KCNQ1: variants seen among roughly 807,000 people sequenced by gnomAD.
The protein encoded by KCNQ1 is potassium voltage-gated channel subfamily KQT member 1.
In KCNQ1, 49 loss-of-function variants were observed where a neutral mutation model predicts 72.4. The ratio of observed to expected loss-of-function variants is 0.68; its 90% confidence interval spans 0.54 to 0.86. The LOEUF is 0.86. Ranked by LOEUF, KCNQ1 falls within the 40% of genes least tolerant of loss-of-function variation. The probability of loss-of-function intolerance (pLI) is 0.00; values close to 1 mark genes in which losing one functional copy is unlikely to be tolerated. For missense variants in KCNQ1, 790 were observed against 945.1 expected, an observed-to-expected ratio of 0.84 and a Z score of 2.15; for synonymous variants, 450 against 412.6, an observed-to-expected ratio of 1.09 and a Z score of -1.10.
chr11:2,766,885 A>G lies in KCNQ1; in HGVS notation c.1515-1959A>G, dbSNP rs775574222. ...CTAGACCTAAATTTAGTGGCTTCAAATATTTTCTTTGGGCCGGGCATGGTG... is the reference window on the plus strand; with the variant it reads ...CTAGACCTAAATTTAGTGGCTTCAAGTATTTTCTTTGGGCCGGGCATGGTG... On this transcript the variant is annotated intron_variant, in intron 11 of 15. Transcript: ENST00000155840. The surrounding 1 kb of genome is among the most constrained non-coding windows in gnomAD (Gnocchi z 4.4). Among the ~76,000 whole-genome samples the G allele has an allele frequency of 6.6e-6, 1 of 152,198 alleles. No homozygotes were observed. The highest frequency in any genetic ancestry group is 1.5e-5 in the Non-Finnish European group (1 of 68,044).
rs1364335501 is a variant in KCNQ1, at chr11:2,509,078, C to T, written c.387-18850C>T. 6.6e-6 allele frequency among the ~76,000 whole-genome samples: 1 copy of T among 152,186 alleles called. No homozygotes were observed. The highest frequency in any genetic ancestry group is 1.5e-5 in the Non-Finnish European group (1 of 68,036). On this transcript the variant is annotated intron_variant, in intron 1 of 15. Transcript: ENST00000155840. The surrounding 1 kb of genome is among the most constrained non-coding windows in gnomAD (Gnocchi z 6.3). ...CTATTGCTCAGGGTGAAATAGAGGT[C>T]TTGAAATTAGTACAACACATGCCCC...
chr11:2,560,444 TGTCCATCCTGGGGGGACGGGGGGTGAC>T, intron 2 of KCNQ1, among the ~76,000 whole-genome samples: 1 of 58,610 alleles, frequency 1.7e-5, no homozygotes, highest in Admixed American at 2.7e-4. Flanking sequence ...CGGTGGGGGA[TGTCCATCCTGGGGGGACGGGGGGTGAC>T]GTCCATCCTG....
intron 11 of KCNQ1, chr11:2,666,368 C>T (rs1472996854): frequency 5.0e-6 from 2 of 398,558 alleles, no homozygotes; most frequent in Non-Finnish European, 8.8e-6. Flanking sequence ...TGCCTGGCCT[C>T]TTGTGACATG....
At position 2,830,757 on chromosome 11, in the gene KCNQ1, C is replaced by T. The variant is rs1197686555; in HGVS notation, c.1795-17010C>T. On this transcript the variant is annotated intron_variant, in intron 15 of 15. Transcript: ENST00000155840. This position sits in a 1 kb window ranked among gnomAD's most constrained non-coding sequence, Gnocchi z 7.7. ...CCTCTGACCTCCCAAGGGCACCCCA[C>T]GTGTGTGCCCTCCAGCACCCTGGCC... is the stretch of plus-strand genomic sequence containing the variant. Among the ~76,000 whole-genome samples, 5 of 152,184 alleles carry T rather than the reference C, an allele frequency of 3.3e-5. 1 individual carries two copies. Among genetic ancestry groups the T allele is most frequent in the Admixed American group, 1.3e-4 (2 of 15,292 alleles).
chr11:2,701,835 T>C (rs1356460124), intron 11 of KCNQ1, among the ~76,000 whole-genome samples: 1 of 152,206 alleles, frequency 6.6e-6, no homozygotes, highest in Non-Finnish European at 1.5e-5. Flanking sequence ...GTCCTGACCC[T>C]GGCCTGGACT....
chr11:2,792,919 G>A (rs1487548678), intron 15 of KCNQ1, among the ~76,000 whole-genome samples: 3 of 149,120 alleles, frequency 2.0e-5, no homozygotes, highest in Admixed American at 6.7e-5. Flanking sequence ...CCCCACATAG[G>A]TGTCAAAGTG....
intron 8 of KCNQ1, among the ~76,000 whole-genome samples, chr11:2,586,810 C>T (rs910231949): frequency 6.6e-6 from 1 of 152,132 alleles, no homozygotes; most frequent in African/African-American, 2.4e-5. Context: ...ACATTCTCCA[C>T]TCGGCCCTCT....
chr11:2,709,441 T>C (rs926765075), intron 11 of KCNQ1, among the ~76,000 whole-genome samples: 21 of 152,170 alleles, frequency 1.4e-4, no homozygotes, highest in African/African-American at 5.1e-4. Context: ...TATTTTGTAT[T>C]TTTTGGTGTT....
rs191995501 is a variant in KCNQ1, at chr11:2,593,313, T to C, written c.1393+4459T>C. ...CCTGGAGGCCGCCTCAGAGGCCTTT[T>C]GCTGCTCAGAGAACACTGGGCTGGA... is the stretch of plus-strand genomic sequence containing the variant. On this transcript the variant is annotated intron_variant, in intron 10 of 15. Transcript: ENST00000155840. The surrounding 1 kb of genome is among the most constrained non-coding windows in gnomAD (Gnocchi z 6.9). Among the ~76,000 whole-genome samples, 22 of 152,210 alleles carry C rather than the reference T, an allele frequency of 1.4e-4. No individual in the cohort carries two copies. In the East Asian group the frequency reaches 3.7e-3, roughly 26 times the overall value.
chr11:2,641,687 C>G (rs185786276), intron 10 of KCNQ1: 136 of 398,282 alleles, frequency 3.4e-4, no homozygotes, highest in Non-Finnish European at 5.5e-4. Flanking sequence ...TTTTTGAGGT[C>G]TTATCCATAA....
rs146324627 is a variant in KCNQ1, at chr11:2,848,734, G to T, written c.*731G>T. On this transcript the variant is annotated 3_prime_UTR_variant, in exon 16 of 16. Coordinates refer to ENST00000155840, the MANE Select transcript of KCNQ1 (RefSeq NM_000218.3). The stretch of plus-strand genomic sequence containing the variant: ...CTCTCCGCCCCTGAGCCCACTGTGC[G>T]TGGGGCTCCCGCCTCCAACCCCTCG... The T allele has an allele frequency of 8.8e-6, 4 of 453,806 alleles. No homozygotes were observed. Among genetic ancestry groups the T allele is most frequent in the African/African-American group, 6.0e-5 (3 of 50,004 alleles). 28.1% of individuals were successfully genotyped at this position (453,806 alleles called of 1,614,324 possible).
chr11:2,622,295 G>A (rs1715288517), intron 10 of KCNQ1: 1 of 398,146 alleles, frequency 2.5e-6, no homozygotes, highest in Non-Finnish European at 4.4e-6. Context: ...TTCTCAGTAT[G>A]TAATGTCCTC....
In KCNQ1 at chr11:2,809,727, C is replaced by T. The variant is rs1487112664; in HGVS notation, c.1794+31690C>T. On this transcript the variant is annotated intron_variant, in intron 15 of 15. Transcript: ENST00000155840. This position sits in a 1 kb window ranked among gnomAD's most constrained non-coding sequence, Gnocchi z 7.1. ...TATCATCTCCACCACGTGCTCAACA[C>T]TCCAGGCCAGAGCCCTTCTCTCAAA... 6.6e-6 allele frequency among the ~76,000 whole-genome samples: 1 copy of T among 152,182 alleles called. No homozygotes were observed. Among genetic ancestry groups the T allele is most frequent in the Non-Finnish European group, 1.5e-5 (1 of 68,042 alleles).
In KCNQ1 at chr11:2,642,667, C is replaced by T. The variant is rs1849598048; in HGVS notation, c.1394-19294C>T. On this transcript the variant is annotated intron_variant, in intron 10 of 15. Transcript: ENST00000155840. This position sits in a 1 kb window ranked among gnomAD's most constrained non-coding sequence, Gnocchi z 4.3. Reference sequence around the variant, plus strand: ...TTATTTAGTTTCTTGTTTAGTTCTGCTCTGATCTTCGTTATTTCTTTCCTT... The same window carrying T: ...TTATTTAGTTTCTTGTTTAGTTCTGTTCTGATCTTCGTTATTTCTTTCCTT... 2 of 397,658 alleles carry T rather than the reference C, an allele frequency of 5.0e-6. No homozygotes were observed. Among genetic ancestry groups the T allele is most frequent in the African/African-American group, 4.1e-5 (2 of 48,576 alleles). The allele number at this position is 397,658 out of a possible 1,614,324, so 24.6% of individuals were successfully genotyped here.
intron 15 of KCNQ1, among the ~76,000 whole-genome samples, chr11:2,833,949 C>T (rs1031989712): frequency 6.6e-6 from 1 of 152,232 alleles, no homozygotes; most frequent in Non-Finnish European, 1.5e-5. Flanking sequence ...CCCCCACCTC[C>T]TCACCCCCTT....
At chr11:2,838,643 AG>A (rs576169265) in intron 15 of KCNQ1, among the ~76,000 whole-genome samples, 37 of 152,216 alleles carry the variant, frequency 2.4e-4, no homozygotes, top group African/African-American at 8.7e-4. Context: ...GGCCCAGGGT[AG>A]GGGAGGATGT....
At chr11:2,545,785 G>C (rs573464721) in intron 2 of KCNQ1, among the ~76,000 whole-genome samples, 5 of 152,220 alleles carry the variant, frequency 3.3e-5, no homozygotes, top group Admixed American at 2.6e-4. Flanking sequence ...TTTCATCTGG[G>C]TGTTAATTGT....
chr11:2,753,066 G>A (rs904649046), intron 11 of KCNQ1, among the ~76,000 whole-genome samples: 1 of 152,168 alleles, frequency 6.6e-6, no homozygotes, highest in South Asian at 2.1e-4. Context: ...ATCAACCCAG[G>A]GGGAGGAGAG....
Position 2,526,957 on chromosome 11 carries a change from C to CGGT in KCNQ1, c.387-970_387-968dup, listed in dbSNP as rs1847520395. 6.6e-6 allele frequency among the ~76,000 whole-genome samples: 1 copy of CGGT among 152,104 alleles called. No individual in the cohort carries two copies. The highest frequency in any genetic ancestry group is 6.5e-5 in the Admixed American group (1 of 15,286). On this transcript the variant is annotated intron_variant, in intron 1 of 15. Coordinates refer to ENST00000155840, the MANE Select transcript of KCNQ1 (RefSeq NM_000218.3). This position sits in a 1 kb window ranked among gnomAD's most constrained non-coding sequence, Gnocchi z 6.1. The stretch of plus-strand genomic sequence containing the variant: ...GCCATGTGGCCATCTCCTGGCTCTC[C>CGGT]GGTCGCTGAGGATCCACGGGGGTCC...
Sources: allele counts gnomAD v4.1 joint callset (sites outside exome capture counted in the v4.1 genomes callset), GRCh38; gene constraint gnomAD v4.1.1; non-coding constraint Gnocchi (gnomAD v3.1); transcripts MANE v1.5; gene names NCBI Gene and HGNC (gene_info 2026-07-23, HGNC 2026-07-21).